ANK3: variants seen among roughly 807,000 people sequenced by gnomAD.
ANK3 encodes the protein ankyrin-3.
In ANK3, 57 loss-of-function variants were observed where a neutral mutation model predicts 370.9. The ratio of observed to expected loss-of-function variants is 0.15; its 90% CI spans 0.12 to 0.19. ANK3 has a LOEUF of 0.19. ANK3 is among the 10% of genes least tolerant of loss of function. ANK3 has a pLI of 1.00. For synonymous variants in ANK3, 1,929 were observed against 1,946.3 expected (o/e 0.99, Z 0.23); for missense variants, 4,439 against 5,302.1 (o/e 0.84, Z 5.06).
At chr10:60,462,731 C>A (rs1396693159) in intron 2 of ANK3, among the ~76,000 whole-genome samples, 1 of 151,456 alleles carries the variant, frequency 6.6e-6, no homozygotes, top group Non-Finnish European at 1.5e-5. Flanking sequence ...GTATCAGTAC[C>A]TAGGCCTCAC....
intron 8 of ANK3, among the ~76,000 whole-genome samples, chr10:60,231,070 T>C (rs1229835736): frequency 6.6e-6 from 1 of 152,166 alleles, no homozygotes; most frequent in African/African-American, 2.4e-5. Context: ...CAACTTTCTA[T>C]CTGTACTGGC....
chr10:60,568,479 A>G (rs967312337), intron 2 of ANK3, among the ~76,000 whole-genome samples: 1 of 152,226 alleles, frequency 6.6e-6, no homozygotes, highest in African/African-American at 2.4e-5. Flanking sequence ...AAACCAAAAA[A>G]TGTGCATGAC....
At chr10:60,387,203 G>A (rs755882974) in intron 1 of ANK3, among the ~76,000 whole-genome samples, 1 of 151,806 alleles carries the variant, frequency 6.6e-6, no homozygotes, top group African/African-American at 2.4e-5. Context: ...ATATGAACAA[G>A]AGCAACTATC....
rs188429557 is a variant in ANK3 at position 60,127,933 on chromosome 10, G to A, written c.2841+6338C>T. 1.4e-3 allele frequency among the ~76,000 whole-genome samples: 208 copies of A among 152,032 alleles called. 1 individual carries two copies. The highest frequency in any genetic ancestry group is 4.5e-3 in the African/African-American group (186 of 41,486). ...AGGATGGTCTCGATCTCCTTACCTC[G>A]TGATCTGCCCACCTTGGCCTCCCAA... On this transcript the variant is annotated intron_variant, in intron 25 of 43. Coordinates refer to ENST00000280772, the MANE Select transcript of ANK3 (RefSeq NM_020987.5).
intron 2 of ANK3, among the ~76,000 whole-genome samples, chr10:60,592,814 T>G (rs1316052669): frequency 6.6e-6 from 1 of 152,060 alleles, no homozygotes; most frequent in Non-Finnish European, 1.5e-5. Context: ...CAGACTAGAG[T>G]TCGAGAGTAT....
At chr10:60,546,116 G>A (rs896715069) in intron 2 of ANK3, among the ~76,000 whole-genome samples, 1 of 152,118 alleles carries the variant, frequency 6.6e-6, no homozygotes, top group Non-Finnish European at 1.5e-5. Context: ...GTTCTCTGTG[G>A]CCTCAAATTC....
chr10:60,218,538 T>C (rs10761468), intron 8 of ANK3, among the ~76,000 whole-genome samples: 25,917 of 152,158 alleles, frequency 0.17, 2,312 homozygotes, highest in African/African-American at 0.19. Context: ...CCTTCACTTA[T>C]GAAGCTTAGT....
intron 2 of ANK3, among the ~76,000 whole-genome samples, chr10:60,460,491 A>T (rs2133056588): frequency 6.6e-6 from 1 of 152,286 alleles, no homozygotes; most frequent in South Asian, 2.1e-4. Flanking sequence ...CTCCCGTGGC[A>T]TTCAAATTAG....
chr10:60,572,785 C>G, intron 2 of ANK3: 1 of 1,249,704 alleles, frequency 8.0e-7, no homozygotes, highest in Non-Finnish European at 1.0e-6. Flanking sequence ...TAAAGAAAAT[C>G]AATATTTTAG....
chr10:60,355,450 T>C (rs1042367363), intron 1 of ANK3, among the ~76,000 whole-genome samples: 11 of 152,212 alleles, frequency 7.2e-5, no homozygotes, highest in Non-Finnish European at 1.3e-4. Flanking sequence ...CTAGTTTTTA[T>C]TGGATTGTCA....
chr10:60,447,321 T>A (rs2064475468), intron 2 of ANK3, among the ~76,000 whole-genome samples: 1 of 152,158 alleles, frequency 6.6e-6, no homozygotes, highest in African/African-American at 2.4e-5. Context: ...AGTATCCAAC[T>A]GAGGGTGTTG....
rs61273266 is a variant in ANK3 at position 60,247,565 on chromosome 10, C to T, written c.799-12779G>A. Among the ~76,000 whole-genome samples, 1,240 of 152,216 alleles carry T rather than the reference C, an allele frequency of 8.1e-3. 14 individuals are homozygous for T. The highest frequency in any genetic ancestry group is 0.028 in the African/African-American group (1,165 of 41,524). ...ACAACCACCATCCTACTTTTGTCTC[C>T]GAATCTGACTACTATAGATATTATA... On this transcript the variant is annotated intron_variant, in intron 7 of 43. Coordinates refer to ENST00000280772, the MANE Select transcript of ANK3 (RefSeq NM_020987.5).
chr10:60,450,946 G>C lies in ANK3; in HGVS notation c.96+164240C>G, dbSNP rs75842308. On this transcript the variant is annotated intron_variant, in intron 2 of 43. Transcript: ENST00000373827. ...GAACCTCAGAATGTGACTTTATTTG[G>C]AATAACGGTCTTTGCAGATGTAATT... is the stretch of plus-strand genomic sequence containing the variant. Among the ~76,000 whole-genome samples, 1,227 of 152,284 alleles carry C rather than the reference G, an allele frequency of 8.1e-3. 18 individuals carry two copies. The highest frequency in any genetic ancestry group is 0.028 in the African/African-American group (1,156 of 41,570).
intron 1 of ANK3, among the ~76,000 whole-genome samples, chr10:60,362,714 A>C (rs1427722831): frequency 6.6e-6 from 1 of 152,138 alleles, no homozygotes; most frequent in East Asian, 1.9e-4. Context: ...GCTTCAGGTA[A>C]CACTGAGAGG....
intron 9 of ANK3, among the ~76,000 whole-genome samples, chr10:60,212,016 A>C (rs1279857420): frequency 6.6e-6 from 1 of 152,092 alleles, no homozygotes; most frequent in Non-Finnish European, 1.5e-5. Context: ...ACAGAAAAAA[A>C]TGTACCCATT....
exon 1 of ANK3, chr10:60,733,281 C>T (rs2080053029): frequency 1.6e-6 from 2 of 1,238,370 alleles, no homozygotes; most frequent in Admixed American, 4.2e-5. Flanking sequence ...GAGCGGAGTC[C>T]TCGGTGCCCG....
intron 10 of ANK3, among the ~76,000 whole-genome samples, chr10:60,206,935 G>A (rs1231574087): frequency 1.3e-5 from 2 of 152,160 alleles, no homozygotes; most frequent in Non-Finnish European, 2.9e-5. Flanking sequence ...CAGGATGACT[G>A]GCTACAACCT....
intron 2 of ANK3, among the ~76,000 whole-genome samples, chr10:60,539,476 T>C (rs2076797399): frequency 1.3e-5 from 2 of 151,934 alleles, no homozygotes; most frequent in Admixed American, 1.3e-4. Context: ...TATTTGATTT[T>C]GAACAAAGCA....
chr10:60,456,371 A>G (rs2064747223), intron 2 of ANK3, among the ~76,000 whole-genome samples: 2 of 152,218 alleles, frequency 1.3e-5, no homozygotes, highest in African/African-American at 4.8e-5. Flanking sequence ...ATTAGTTTCT[A>G]TAATTTACAC....
Sources: gnomAD v4.1 joint callset for allele counts (sites outside exome capture counted in the v4.1 genomes callset) on GRCh38, gnomAD v4.1.1 for gene constraint, MANE v1.5 for transcripts, NCBI Gene and HGNC (gene_info 2026-07-23, HGNC 2026-07-21) for gene names.